Variants in NR1D2 observed in about 807,000 individuals in gnomAD.
NR1D2 encodes V-erbA-related protein 1-related.
Under a neutral mutation model 52.2 loss-of-function variants are expected in NR1D2, and 25 were observed. That is an observed-to-expected ratio of 0.48 (90% CI 0.35 to 0.67). The LOEUF is 0.67. NR1D2 is among the 30% of genes least tolerant of loss of function. NR1D2 has a pLI of 0.01. For synonymous variants in NR1D2, 259 were observed against 230.1 expected, an observed-to-expected ratio of 1.13 and a Z score of -1.14; for missense variants, 681 against 707.2, an observed-to-expected ratio of 0.96 and a Z score of 0.42.
At chr3:23,974,440 C>G (rs1160601023) in intron 7 of NR1D2, among the ~76,000 whole-genome samples, 3 of 152,086 alleles carry the variant, frequency 2.0e-5, no homozygotes, top group Admixed American at 6.6e-5. Context: ...TGGGACCACC[C>G]TTTTATATGT....
At chr3:23,963,253 C>T (rs529434349) in intron 5 of NR1D2, 1 of 1,351,472 alleles carries the variant, frequency 7.4e-7, no homozygotes, top group Non-Finnish European at 9.8e-7. Flanking sequence ...CAAAATTTCA[C>T]CAAAAACAGC....
intron 7 of NR1D2, among the ~76,000 whole-genome samples, chr3:23,970,221 G>T (rs73038517): frequency 0.22 from 33,151 of 151,990 alleles, 3,996 homozygotes; most frequent in Middle Eastern, 0.35. Flanking sequence ...AATGACATCA[G>T]GTGGGGTGAA....
intron 1 of NR1D2, among the ~76,000 whole-genome samples, chr3:23,954,182 A>AT (rs1706021188): frequency 6.6e-6 from 1 of 152,010 alleles, no homozygotes; most frequent in African/African-American, 2.4e-5. Flanking sequence ...AAGTTTTTAA[A>AT]TTTTTTTGTA....
In NR1D2 at chr3:23,978,424, GTTTA is replaced by G. The variant is rs1009062490; in HGVS notation, c.*1010_*1013del. The G allele has an allele frequency of 2.6e-5, 4 of 151,476 alleles. No homozygotes were observed. The highest frequency in any genetic ancestry group is 4.8e-5 in the African/African-American group (2 of 41,330). The allele number at this position is 151,476 out of a possible 1,614,324, so 9.4% of individuals were successfully genotyped here. ...AATATTGAATTTATGCTCTATTTTTGTTTATTTAAGCAACACTTAATGTAAAAGT... is the reference window on the plus strand; with the variant it reads ...AATATTGAATTTATGCTCTATTTTTGTTTAAGCAACACTTAATGTAAAAGT... On this transcript the variant is annotated 3_prime_UTR_variant, in exon 8 of 8. Transcript: ENST00000312521.
chr3:23,955,564 A>T (rs1706060381), intron 2 of NR1D2, among the ~76,000 whole-genome samples: 1 of 152,164 alleles, frequency 6.6e-6, no homozygotes, highest in Admixed American at 6.5e-5. Context: ...GGTGGCTCAC[A>T]CCTGTAATCC....
At position 23,977,622 on chromosome 3, in the gene NR1D2, G is replaced by C. The variant is rs1442353883; in HGVS notation, c.*203G>C. 5.0e-6 allele frequency: 2 copies of C among 396,848 alleles called. No homozygotes were observed. The highest frequency in any genetic ancestry group is 2.0e-5 in the African/African-American group (1 of 48,894). The allele number at this position is 396,848 out of a possible 1,614,324, so 24.6% of individuals were successfully genotyped here. ...AGACGTTGACTGCATCTCCCTGATA[G>C]ACCAATCAGCTGTGTCGCACTTAAA... On this transcript the variant is annotated 3_prime_UTR_variant, in exon 8 of 8. Transcript: ENST00000312521.
chr3:23,962,982 T>A (rs1265846116), intron 5 of NR1D2, among the ~76,000 whole-genome samples: 2 of 152,062 alleles, frequency 1.3e-5, no homozygotes, highest in African/African-American at 2.4e-5. Context: ...TCGCTTGCCA[T>A]AGTTAGAAAT....
chr3:23,972,207 TG>T (rs1706607913), intron 7 of NR1D2, among the ~76,000 whole-genome samples: 2 of 152,226 alleles, frequency 1.3e-5, no homozygotes. Flanking sequence ...CCCTGTGAGC[TG>T]GGACATGTTA....
intron 1 of NR1D2, among the ~76,000 whole-genome samples, chr3:23,952,300 C>A (rs1190722546): frequency 6.6e-6 from 1 of 152,196 alleles, no homozygotes; most frequent in East Asian, 1.9e-4. Context: ...GCACCTCTCA[C>A]CTCATGATCG....
chr3:23,957,143 A>G (rs1389809072), intron 3 of NR1D2, among the ~76,000 whole-genome samples: 1 of 151,712 alleles, frequency 6.6e-6, no homozygotes, highest in East Asian at 2.0e-4. Flanking sequence ...CCACCACTCC[A>G]GGCTAATTTT....
Position 23,947,974 on chromosome 3 carries a change from C to T in NR1D2, c.16+2380C>T, listed in dbSNP as rs199817426. ...CTCTACTAAAAGGACAAAAATTAGC[C>T]GGGCGTGGTGGTGGGCTCCTGTAAT... is the stretch of plus-strand genomic sequence containing the variant. On this transcript the variant is annotated intron_variant, in intron 1 of 7. Transcript: ENST00000312521. 1.6e-4 allele frequency among the ~76,000 whole-genome samples: 24 copies of T among 152,176 alleles called. No individual in the cohort carries two copies. In the East Asian group the frequency reaches 3.9e-3, roughly 25 times the overall value.
intron 2 of NR1D2, 112 bp downstream of exon 2, chr3:23,954,915 T>C: frequency 1.1e-6 from 1 of 918,404 alleles, no homozygotes; most frequent in South Asian, 1.6e-5. Flanking sequence ...TTTCACTCCT[T>C]GCTGGGTAAT....
chr3:23,974,607 G>A (rs887783298), intron 7 of NR1D2, among the ~76,000 whole-genome samples: 3 of 151,950 alleles, frequency 2.0e-5, no homozygotes, highest in African/African-American at 4.8e-5. Context: ...TTTGGCAAAC[G>A]ATTTCATCAA....
chr3:23,951,817 T>C (rs1705942766), intron 1 of NR1D2, among the ~76,000 whole-genome samples: 1 of 152,238 alleles, frequency 6.6e-6, no homozygotes, highest in African/African-American at 2.4e-5. Context: ...GAAACATGTA[T>C]TCTGAAAAAG....
chr3:23,947,714 C>G (rs558522992), intron 1 of NR1D2, among the ~76,000 whole-genome samples: 1 of 152,212 alleles, frequency 6.6e-6, no homozygotes, highest in Non-Finnish European at 1.5e-5. Flanking sequence ...AATGACCATT[C>G]TTAAAATTTC....
intron 1 of NR1D2, among the ~76,000 whole-genome samples, chr3:23,947,494 G>C (rs903256051): frequency 2.6e-5 from 4 of 152,234 alleles, no homozygotes; most frequent in African/African-American, 9.6e-5. Flanking sequence ...TCTTGTGGAA[G>C]TGGTTGGATG....
In NR1D2 at chr3:23,962,596, A is replaced by C; in HGVS notation, c.1137A>C (p.Arg379Ser). The change falls in exon 5 of 8, where the codon AGA becomes AGC. Residue 379 changes from arginine to serine, a missense_variant. Physicochemically the swap from Arg to Ser is moderately radical, Grantham distance 110 (BLOSUM62 -1). This residue lies in a region of NR1D2 where 475 missense variants were observed against 454.5 expected (regional missense o/e 1.05). Transcript: ENST00000312521. ...KNSYLCNTGGRMHLVCPMSKS... is the reference protein window; with the variant it reads ...KNSYLCNTGGSMHLVCPMSKS... The stretch of plus-strand genomic sequence containing the variant: ...GTTACCTGTGCAACACTGGAGGAAG[A>C]ATGCATCTGGTATAGTGAAATCGAT... 1 of 1,599,592 alleles carries C rather than the reference A, an allele frequency of 6.3e-7. No individual in the cohort carries two copies. Among genetic ancestry groups the C allele is most frequent in the Non-Finnish European group, 8.5e-7 (1 of 1,169,770 alleles).
At chr3:23,969,579 T>C (rs1706535432) in intron 7 of NR1D2, among the ~76,000 whole-genome samples, 1 of 152,252 alleles carries the variant, frequency 6.6e-6, no homozygotes, top group Non-Finnish European at 1.5e-5. Context: ...GACATCAGAT[T>C]AATCGATTAT....
At position 23,972,903 on chromosome 3, in the gene NR1D2, A is replaced by C. The variant is rs1486389189; in HGVS notation, c.1544-4320A>C. On this transcript the variant is annotated intron_variant, in intron 7 of 7. Transcript: ENST00000312521. ...GAAATGGAGGCTTTAGAAAAATTTAATACAATCTATGGTTTTAGATATAGG... is the reference window on the plus strand; with the variant it reads ...GAAATGGAGGCTTTAGAAAAATTTACTACAATCTATGGTTTTAGATATAGG... Among the ~76,000 whole-genome samples the C allele has an allele frequency of 4.6e-5, 7 of 152,206 alleles. No individual in the cohort carries two copies. The East Asian group carries it at 1.3e-3, about 29-fold the overall frequency.
Sources: allele counts gnomAD v4.1 joint callset (sites outside exome capture counted in the v4.1 genomes callset), GRCh38; gene constraint gnomAD v4.1.1; regional missense constraint gnomAD v4.1.1; transcripts MANE v1.5; gene names NCBI Gene and HGNC (gene_info 2026-07-23, HGNC 2026-07-21).